PRICKLE4: variants seen among roughly 807,000 people sequenced by gnomAD.
PRICKLE4 encodes the protein prickle planar cell polarity protein 4, also known as prickle-like protein 4.
A neutral mutation model predicts 43.5 loss-of-function variants in PRICKLE4; 40 were observed. The observed-to-expected ratio is 0.92, with a 90% CI of 0.71 to 1.20. The LOEUF is 1.20. PRICKLE4 is among the 50% of genes most tolerant of loss of function. The pLI is 0.00. For synonymous variants in PRICKLE4, 208 were observed against 197.4 expected (o/e 1.05, Z -0.45); for missense variants, 527 against 491.2 (o/e 1.07, Z -0.69).
At chr6:41,784,367 G>A (rs1156892628) in intron 4 of PRICKLE4, 129 bp downstream of exon 4, 3 of 725,342 alleles carry the variant, frequency 4.1e-6, no homozygotes, top group East Asian at 5.8e-5. Flanking sequence ...ACTGGTTGGG[G>A]CGTCATTCTC....
chr6:41,786,457 C>T (rs964166096), intron 7 of PRICKLE4, 125 bp downstream of exon 7: 3 of 1,181,396 alleles, frequency 2.5e-6, no homozygotes, highest in East Asian at 5.2e-5. Flanking sequence ...CCCACCGCAC[C>T]CCCCAGACCC....
In PRICKLE4 at chr6:41,787,277, C is replaced by A; in HGVS notation, c.*148C>A. Reference sequence around the variant, plus strand: ...GGCGAGGTGACAAGTTTGGAGTGCGCCCCCTTCAGTACTGCGCGTTCTAAG... The same window carrying A: ...GGCGAGGTGACAAGTTTGGAGTGCGACCCCTTCAGTACTGCGCGTTCTAAG... On this transcript the variant is annotated 3_prime_UTR_variant, in exon 8 of 8. Coordinates refer to ENST00000458694, the MANE Select transcript of PRICKLE4 (RefSeq NM_013397.6). 8.6e-7 allele frequency: 1 copy of A among 1,169,138 alleles called. No homozygotes were observed. The highest frequency in any genetic ancestry group is 1.2e-6 in the Non-Finnish European group (1 of 856,408). The allele number at this position is 1,169,138 out of a possible 1,614,324, so 72.4% of individuals were successfully genotyped here.
intron 2 of PRICKLE4, among the ~76,000 whole-genome samples, chr6:41,782,737 T>G (rs1434511731): frequency 3.9e-5 from 6 of 152,170 alleles, no homozygotes; most frequent in Admixed American, 2.0e-4. Context: ...TATCAGGAGC[T>G]GCCGAGAGGA....
intron 7 of PRICKLE4, 33 bp from the exon 8 acceptor site, chr6:41,786,729 T>C: frequency 6.2e-7 from 1 of 1,612,316 alleles, no homozygotes; most frequent in South Asian, 1.1e-5. Context: ...TCCGCGGCTC[T>C]GAGACCAGCG....
At chr6:41,782,067 CTTTTTTT>C (rs557402339) in intron 2 of PRICKLE4, among the ~76,000 whole-genome samples, 2 of 122,238 alleles carry the variant, frequency 1.6e-5, no homozygotes, top group African/African-American at 5.9e-5. Context: ...TTAATAGTCG[CTTTTTTT>C]TTTTTTTTTT....
chr6:41,784,337 A>C, intron 4 of PRICKLE4, 99 bp downstream of exon 4: 1 of 970,586 alleles, frequency 1.0e-6, no homozygotes, highest in East Asian at 2.7e-5. Context: ...GGGGATGTGG[A>C]TTTAATGCCC....
chr6:41,785,012 C>A lies in PRICKLE4; in HGVS notation c.318C>A (p.Ala106=), dbSNP rs765361297. Residue 106 remains alanine, a synonymous_variant, in exon 5 of 8, where the codon GCC becomes GCA. Transcript: ENST00000458694. ...TCTGTGCCAGGCGGAAGCAGGAAGC[C>A]CTGGGACAGGGGGTAGCCCGCCTGG... The part of the protein sequence containing the change: ...QLFCARRKQE[A]LGQGVARLVL... The A allele has an allele frequency of 3.1e-5, 50 of 1,613,600 alleles. No homozygotes were observed. The highest frequency in any genetic ancestry group is 2.5e-6 in the Non-Finnish European group (3 of 1,179,880).
Position 41,785,405 on chromosome 6 carries a change from G to C in PRICKLE4, c.447G>C (p.Trp149Cys). 6.2e-7 allele frequency: 1 copy of C among 1,614,100 alleles called. No homozygotes were observed. Among genetic ancestry groups the C allele is most frequent in the East Asian group, 2.2e-5 (1 of 44,882 alleles). Residue 149 changes from tryptophan to cysteine, a missense_variant, in exon 6 of 8, where the codon TGG becomes TGC. Physicochemically the swap from Trp to Cys is radical, Grantham distance 215 (BLOSUM62 -2). Coordinates refer to ENST00000458694, the MANE Select transcript of PRICKLE4 (RefSeq NM_013397.6). ...FAARAGEQRC[W>C]HQPCFACQAC... is the part of the protein sequence containing the mutation. ...CCCGGGCAGGGGAACAGCGCTGCTG[G>C]CACCAGCCTTGCTTTGCCTGCCAGG...
At chr6:41,783,967 T>C in intron 3 of PRICKLE4, 164 bp from the exon 4 acceptor site, 1 of 675,258 alleles carries the variant, frequency 1.5e-6, no homozygotes, top group Non-Finnish European at 2.6e-6. Context: ...ATCAGTCAGC[T>C]ATCCTTGCAC....
rs1187519916 is a variant in PRICKLE4 at position 41,783,552 on chromosome 6, G to A, written c.79G>A (p.Asp27Asn). ...PQDPGPPANS[D>N]SDSGHLPGED... is the part of the protein sequence containing the mutation. Reference sequence around the variant, plus strand: ...GGATCCAGGTCCACCAGCCAACTCAGACAGTGACTCAGGCCACCTGCCGGG... The same window carrying A: ...GGATCCAGGTCCACCAGCCAACTCAAACAGTGACTCAGGCCACCTGCCGGG... Residue 27 changes from aspartate to asparagine, a missense_variant, in exon 3 of 8, where the codon GAC (aspartate) becomes AAC (asparagine). Physicochemically the swap from Asp to Asn is conservative, Grantham distance 23. Transcript: ENST00000458694. The A allele has an allele frequency of 1.9e-5, 31 of 1,613,452 alleles. No individual in the cohort carries two copies. The Admixed American group carries it at 2.5e-4, about 13-fold the overall frequency.
Position 41,786,168 on chromosome 6 carries a change from G to A in PRICKLE4, c.623G>A (p.Arg208His). The A allele has an allele frequency of 6.2e-7, 1 of 1,613,648 alleles. No homozygotes were observed. Among genetic ancestry groups the A allele is most frequent in the South Asian group, 1.1e-5 (1 of 91,026 alleles). ...SWRCTEAEGQ[R>H]WHENHFCCQD... is the part of the protein sequence containing the mutation. ...CGCTGCACCGAGGCGGAGGGACAGC[G>A]CTGGCATGAGAACCACTTCTGTTGC... The change falls in exon 7 of 8, where the codon CGC becomes CAC. Residue 208 changes from arginine to histidine, a missense_variant. Arg to His is a conservative substitution (Grantham distance 29). Coordinates refer to ENST00000458694, the MANE Select transcript of PRICKLE4 (RefSeq NM_013397.6).
chr6:41,782,535 G>A (rs971909476), intron 2 of PRICKLE4, among the ~76,000 whole-genome samples: 4 of 151,794 alleles, frequency 2.6e-5, no homozygotes, highest in East Asian at 3.9e-4. Flanking sequence ...GACTATAGGC[G>A]CCCGCCACCA....
chr6:41,786,634 G>T, intron 7 of PRICKLE4, 128 bp from the exon 8 acceptor site: 4 of 1,382,114 alleles, frequency 2.9e-6, no homozygotes, highest in Non-Finnish European at 3.9e-6. Flanking sequence ...AGGACTCTCG[G>T]CGGCGGCGGC....
At chr6:41,784,690 G>A in intron 4 of PRICKLE4, 1 of 557,850 alleles carries the variant, frequency 1.8e-6, no homozygotes, top group Non-Finnish European at 3.1e-6. Flanking sequence ...AATGGTGACA[G>A]GGCTAAGTGC....
chr6:41,785,280 A>G (rs1772621941), intron 5 of PRICKLE4, 57 bp from the exon 6 acceptor site: 27 of 1,573,842 alleles, frequency 1.7e-5, no homozygotes, highest in Non-Finnish European at 2.4e-5. Context: ...AAGAGCAAGG[A>G]GGGAAGTTAG....
At chr6:41,784,768 T>C in intron 4 of PRICKLE4, 167 bp from the exon 5 acceptor site, 1 of 894,122 alleles carries the variant, frequency 1.1e-6, no homozygotes, top group Non-Finnish European at 1.7e-6. Flanking sequence ...GTGGCTTTCT[T>C]GAGCTCCTTT....
intron 7 of PRICKLE4, chr6:41,786,543 CCGCGGTCGGGGTTGCGG>C: frequency 9.8e-7 from 1 of 1,017,776 alleles, no homozygotes; most frequent in Non-Finnish European, 1.4e-6. Flanking sequence ...CCACCCCGCG[CCGCGGTCGGGGTTGCGG>C]CGCCAGACTC....
At chr6:41,784,056 AATG>A in intron 3 of PRICKLE4, 72 bp from the exon 4 acceptor site, 1 of 1,113,914 alleles carries the variant, frequency 9.0e-7, no homozygotes, top group East Asian at 2.5e-5. Context: ...AAGAGGTGGC[AATG>A]ATGAGGGGGA....
Position 41,785,323 on chromosome 6 carries a change from C to T in PRICKLE4, c.379-14C>T. 2 of 1,613,030 alleles carry T rather than the reference C, an allele frequency of 1.2e-6. No homozygotes were observed. Among genetic ancestry groups the T allele is most frequent in the South Asian group, 2.2e-5 (2 of 91,014 alleles). The stretch of plus-strand genomic sequence containing the variant: ...GTGCTTACTCCGACCACCTCAGCAC[C>T]TCCCCTCTGACAGTGTAGGGAGCTG... On this transcript the variant is annotated splice_polypyrimidine_tract_variant and intron_variant, in intron 5 of 7. Transcript: ENST00000458694.
Sources: gnomAD v4.1 joint callset for allele counts (sites outside exome capture counted in the v4.1 genomes callset) on GRCh38, gnomAD v4.1.1 for gene constraint, MANE v1.5 for transcripts, NCBI Gene and HGNC (gene_info 2026-07-23, HGNC 2026-07-21) for gene names.